The following GNAL variants were observed in gnomAD, a reference collection of about 807,000 sequenced individuals.
GNAL encodes guanine nucleotide-binding protein G(olf) subunit alpha.
Under a neutral mutation model 55.1 loss-of-function variants are expected in GNAL, and 18 were observed. The observed-to-expected ratio is 0.33, with a 90% CI of 0.23 to 0.48. The LOEUF (loss-of-function observed/expected upper bound fraction) is 0.48. Among genes scored for constraint, GNAL ranks in the 20% least tolerant of loss-of-function variants. The probability of loss-of-function intolerance (pLI) is 0.99; values close to 1 mark genes in which losing one functional copy is unlikely to be tolerated. For synonymous variants in GNAL, 253 were observed against 237.0 expected (o/e 1.07, Z -0.62); for missense variants, 412 against 614.1 (o/e 0.67, Z 3.48).
intron 1 of GNAL, among the ~76,000 whole-genome samples, chr18:11,742,080 C>G (rs1456515044): frequency 6.6e-6 from 1 of 152,162 alleles, no homozygotes; most frequent in Non-Finnish European, 1.5e-5. Context: ...TCTGTCTCTA[C>G]CACATTTTGC....
chr18:11,842,565 G>T (rs2143740294), intron 5 of GNAL, among the ~76,000 whole-genome samples: 1 of 151,868 alleles, frequency 6.6e-6, no homozygotes, highest in East Asian at 1.9e-4. Flanking sequence ...GACAGTGACA[G>T]ATCATCAGGC....
Position 11,846,958 on chromosome 18 carries a change from G to T in GNAL, c.723-15437G>T, listed in dbSNP as rs1290157524. On this transcript the variant is annotated intron_variant, in intron 5 of 11. Coordinates refer to ENST00000334049, the MANE Select transcript of GNAL (RefSeq NM_182978.4). The stretch of plus-strand genomic sequence containing the variant: ...TAGCTGTGTTCCCAAATAAAAAGGT[G>T]ATGCAGAGGAAAATATATATATACA... Among the ~76,000 whole-genome samples the T allele has an allele frequency of 2.0e-5, 3 of 151,874 alleles. 1 individual carries two copies. The highest frequency in any genetic ancestry group is 4.1e-4 in the South Asian group (2 of 4,830).
In GNAL at chr18:11,774,345, T is replaced by C. The variant is rs573234212; in HGVS notation, c.624+20400T>C. On this transcript the variant is annotated intron_variant, in intron 4 of 11. Coordinates refer to ENST00000334049, the MANE Select transcript of GNAL (RefSeq NM_182978.4). ...GCATGGGAAGAGTCAACAAATACTA[T>C]ATTCTGCAGAAAGTATTGTGGTCTG... 3.9e-5 allele frequency among the ~76,000 whole-genome samples: 6 copies of C among 152,292 alleles called. No homozygotes were observed. The South Asian group carries it at 1.2e-3, about 32-fold the overall frequency.
At position 11,734,721 on chromosome 18, in the gene GNAL, C is replaced by CA. The variant is rs563433361; in HGVS notation, c.377-18131dup. On this transcript the variant is annotated intron_variant, in intron 1 of 11. Coordinates refer to ENST00000334049, the MANE Select transcript of GNAL (RefSeq NM_182978.4). ...TCCTAAGCAGGACCACTGCTGGGGT[C>CA]ATTCTGTAGTTCACTCAGTAAGCAT... Among the ~76,000 whole-genome samples, 190 of 151,404 alleles carry CA rather than the reference C, an allele frequency of 1.3e-3. 1 individual carries two copies. The highest frequency in any genetic ancestry group is 4.5e-3 in the African/African-American group (185 of 41,204).
At chr18:11,769,003 A>G (rs1336382162) in intron 4 of GNAL, among the ~76,000 whole-genome samples, 1 of 101,454 alleles carries the variant, frequency 9.9e-6, no homozygotes, top group Non-Finnish European at 1.7e-5. Flanking sequence ...TATAATATAG[A>G]ATATATATAT....
chr18:11,703,793 G>A (rs2031637015), intron 1 of GNAL, among the ~76,000 whole-genome samples: 1 of 101,510 alleles, frequency 9.9e-6, no homozygotes, highest in Admixed American at 1.1e-4. Context: ...CAGTGTTGAT[G>A]GGCACACACA....
At chr18:11,796,609 C>CT (rs1338396076) in intron 4 of GNAL, among the ~76,000 whole-genome samples, 2 of 142,044 alleles carry the variant, frequency 1.4e-5, no homozygotes, top group African/African-American at 5.4e-5. Context: ...AACACGCAAC[C>CT]TTTCCATTGT....
At chr18:11,733,096 G>T (rs2032376431) in intron 1 of GNAL, among the ~76,000 whole-genome samples, 1 of 117,296 alleles carries the variant, frequency 8.5e-6, no homozygotes, top group Admixed American at 8.0e-5. Flanking sequence ...AGAAGACTCT[G>T]ATCTGTGCTC....
At chr18:11,715,052 G>A (rs565200249) in intron 1 of GNAL, among the ~76,000 whole-genome samples, 1 of 152,216 alleles carries the variant, frequency 6.6e-6, no homozygotes, top group African/African-American at 2.4e-5. Flanking sequence ...GGCTGAGGTG[G>A]GAGGATTGCT....
At chr18:11,701,291 AC>A (rs2031562060) in intron 1 of GNAL, among the ~76,000 whole-genome samples, 2 of 152,090 alleles carry the variant, frequency 1.3e-5, no homozygotes. Flanking sequence ...CAATGTTTGT[AC>A]ACAAATGCAT....
Position 11,884,983 on chromosome 18 carries a change from C to G in GNAL, c.*3848C>G, listed in dbSNP as rs1366855914. On this transcript the variant is annotated 3_prime_UTR_variant, in exon 12 of 12. Coordinates refer to ENST00000334049, the MANE Select transcript of GNAL (RefSeq NM_182978.4). ...GTGGAGTTCCAGGGTCATCGGTCAG[C>G]GAGGAACAAGGAGGGAAAGGTGTCT... The G allele has an allele frequency of 1.5e-6, 2 of 1,301,862 alleles. No homozygotes were observed. The highest frequency in any genetic ancestry group is 2.0e-6 in the Non-Finnish European group (2 of 999,172). The allele number at this position is 1,301,862 out of a possible 1,614,324, so 80.6% of individuals were successfully genotyped here. A position where few individuals can be genotyped will look rare whatever the true frequency, so the allele number is the denominator to read the frequency against.
At chr18:11,734,046 A>C (rs2032403976) in intron 1 of GNAL, among the ~76,000 whole-genome samples, 1 of 151,934 alleles carries the variant, frequency 6.6e-6, no homozygotes, top group South Asian at 2.1e-4. Flanking sequence ...ATCCTTTTTG[A>C]AACAGCTCTT....
At chr18:11,701,134 C>T (rs372839142) in intron 1 of GNAL, among the ~76,000 whole-genome samples, 23 of 152,198 alleles carry the variant, frequency 1.5e-4, no homozygotes, top group Admixed American at 5.2e-4. Context: ...TGCACGTGCT[C>T]GGAGATAAAT....
At chr18:11,708,736 C>T (rs1209318653) in intron 1 of GNAL, among the ~76,000 whole-genome samples, 1 of 152,188 alleles carries the variant, frequency 6.6e-6, no homozygotes, top group African/African-American at 2.4e-5. Flanking sequence ...CATATTTTCT[C>T]CCTTTCAGTA....
At chr18:11,734,083 G>A (rs1355488810) in intron 1 of GNAL, among the ~76,000 whole-genome samples, 1 of 151,980 alleles carries the variant, frequency 6.6e-6, no homozygotes. Context: ...TCTTTCCAGA[G>A]GCTCGGTGGT....
intron 4 of GNAL, among the ~76,000 whole-genome samples, chr18:11,771,116 G>T (rs2033618911): frequency 6.6e-6 from 1 of 151,860 alleles, no homozygotes; most frequent in Non-Finnish European, 1.5e-5. Flanking sequence ...TACTCAGGAG[G>T]CTGAGGCAGG....
intron 4 of GNAL, among the ~76,000 whole-genome samples, chr18:11,823,052 G>C (rs955729044): frequency 2.6e-5 from 4 of 152,128 alleles, no homozygotes; most frequent in African/African-American, 9.7e-5. Flanking sequence ...CAGGTGCCCA[G>C]AGCTGGCAAC....
chr18:11,778,795 C>T (rs1011250459), intron 4 of GNAL, among the ~76,000 whole-genome samples: 1 of 151,796 alleles, frequency 6.6e-6, no homozygotes, highest in Non-Finnish European at 1.5e-5. Flanking sequence ...GTAACCTTAT[C>T]TATAAAACCA....
intron 4 of GNAL, among the ~76,000 whole-genome samples, chr18:11,786,926 T>C (rs1391912858): frequency 6.6e-6 from 1 of 151,524 alleles, no homozygotes; most frequent in African/African-American, 2.4e-5. Flanking sequence ...AGGTGGAGGG[T>C]GAGTGAGCTA....
Sources: allele counts gnomAD v4.1 joint callset (sites outside exome capture counted in the v4.1 genomes callset), GRCh38; gene constraint gnomAD v4.1.1; transcripts MANE v1.5; gene names NCBI Gene and HGNC (gene_info 2026-07-23, HGNC 2026-07-21).